TIMM10: variants seen among roughly 807,000 people sequenced by gnomAD.
The protein encoded by TIMM10 is mitochondrial import inner membrane translocase subunit Tim10.
Under a neutral mutation model 9.1 loss-of-function variants are expected in TIMM10, and 13 were observed. The observed-to-expected ratio is 1.42, with a 90% CI of 0.93 to 2.26. The LOEUF is 2.26. Among genes scored for constraint, TIMM10 ranks in the 30% most tolerant of loss-of-function variants. The pLI, the probability that TIMM10 is intolerant of heterozygous loss-of-function variation, is 0.00. For synonymous variants in TIMM10, 40 were observed against 42.1 expected (o/e 0.95, Z 0.20); for missense variants, 82 against 113.6 (o/e 0.72, Z 1.26).
At chr11:57,529,060 G>T in intron 2 of TIMM10, 142 bp from the exon 3 acceptor site, 2 of 855,958 alleles carry the variant, frequency 2.3e-6, no homozygotes, top group Non-Finnish European at 1.8e-6. Context: ...ACCACTGGAA[G>T]GTCCTTGCAA....
Position 57,528,829 on chromosome 11 carries a change from C to T in TIMM10, c.161G>A (p.Cys54Tyr), listed in dbSNP as rs1395344474. ...SKGESVCLDR[C>Y]VSKYLDIHER... is the part of the protein sequence containing the mutation. ...ATGGATGTCCAGGTACTTAGAGACACATCGGTCCAGGCACACAGACTCGCC... is the reference window on the plus strand; with the variant it reads ...ATGGATGTCCAGGTACTTAGAGACATATCGGTCCAGGCACACAGACTCGCC... Residue 54 changes from cysteine (C) to tyrosine (Y), a missense_variant, in exon 3 of 3, where the codon TGT becomes TAT. Cys to Tyr is a radical substitution (Grantham distance 194). Transcript: ENST00000257245. 2 of 1,614,072 alleles carry T rather than the reference C, an allele frequency of 1.2e-6. No homozygotes were observed. Among genetic ancestry groups the T allele is most frequent in the South Asian group, 1.1e-5 (1 of 91,068 alleles).
At chr11:57,529,678 T>C (rs987800200) in intron 2 of TIMM10, among the ~76,000 whole-genome samples, 5 of 152,222 alleles carry the variant, frequency 3.3e-5, no homozygotes, top group African/African-American at 9.6e-5. Flanking sequence ...AGGAAGTTAC[T>C]TAACCTCTAG....
At chr11:57,529,985 G>A (rs1206313598) in intron 2 of TIMM10, 134 bp downstream of exon 2, 3 of 853,236 alleles carry the variant, frequency 3.5e-6, no homozygotes, top group Admixed American at 2.1e-5. Context: ...AACCTTGAAG[G>A]TGGGTGTGGG....
chr11:57,530,091 A>C, intron 2 of TIMM10, 28 bp downstream of exon 2: 3 of 1,612,528 alleles, frequency 1.9e-6, no homozygotes, highest in Non-Finnish European at 2.5e-6. Context: ...TTATTTTCCA[A>C]GACAGGGTAG....
chr11:57,528,890 C>T lies in TIMM10; in HGVS notation c.100G>A (p.Val34Met). ...TCTGCTTCCTTGTAGTGAGGAGGCA[C>T]ACACTTCCGGTGGCAGGCACTGGTC... ...RMTSACHRKC[V>M]PPHYKEAELS... The change falls in exon 3 of 3, where the codon GTG (valine) becomes ATG (methionine). Residue 34 changes from valine to methionine, a missense_variant. Transcript: ENST00000257245. 2.5e-6 allele frequency: 4 copies of T among 1,613,550 alleles called. No homozygotes were observed. The highest frequency in any genetic ancestry group is 1.1e-5 in the South Asian group (1 of 91,048).
At chr11:57,530,531 C>A (rs544220965) in intron 1 of TIMM10, 127 bp downstream of exon 1, 1 of 288,888 alleles carries the variant, frequency 3.5e-6, no homozygotes, top group Non-Finnish European at 6.9e-6. Flanking sequence ...ACCTGAACCT[C>A]CAGGGCCCTG....
At chr11:57,529,488 G>A (rs1432390352) in intron 2 of TIMM10, among the ~76,000 whole-genome samples, 1 of 152,180 alleles carries the variant, frequency 6.6e-6, no homozygotes, top group Admixed American at 6.5e-5. Flanking sequence ...GTATCATTAT[G>A]TCTTCTTCAT....
In TIMM10 at chr11:57,528,518, C is replaced by T. The variant is rs1357012729; in HGVS notation, c.*199G>A. On this transcript the variant is annotated 3_prime_UTR_variant, in exon 3 of 3. Transcript: ENST00000257245. ...ATATATATATATATATATATATATA[C>T]ACATACATACACACACAGTCACATT... is the stretch of plus-strand genomic sequence containing the variant. 9 of 347,002 alleles carry T rather than the reference C, an allele frequency of 2.6e-5. No homozygotes were observed. Among genetic ancestry groups the T allele is most frequent in the South Asian group, 8.4e-5 (3 of 35,860 alleles). 21.5% of individuals were successfully genotyped at this position (347,002 alleles called of 1,614,324 possible).
At chr11:57,530,016 G>A in intron 2 of TIMM10, 103 bp downstream of exon 2, 1 of 1,330,160 alleles carries the variant, frequency 7.5e-7, no homozygotes. Context: ...ATGGGCCTCA[G>A]GCTCCCCTAC....
Position 57,528,884 on chromosome 11 carries a change from G to C in TIMM10, c.106C>G (p.Pro36Ala), listed in dbSNP as rs762152492. Residue 36 changes from proline (P) to alanine (A), a missense_variant, in exon 3 of 3, where the codon CCT becomes GCT. By Grantham distance (27) the Pro-to-Ala change is conservative (BLOSUM62 -1). Transcript: ENST00000257245. ...GAGAGCTCTGCTTCCTTGTAGTGAGGAGGCACACACTTCCGGTGGCAGGCA... is the reference window on the plus strand; with the variant it reads ...GAGAGCTCTGCTTCCTTGTAGTGAGCAGGCACACACTTCCGGTGGCAGGCA... Reference protein sequence around the residue: ...TSACHRKCVPPHYKEAELSKG... With the variant: ...TSACHRKCVPAHYKEAELSKG... The C allele has an allele frequency of 1.2e-6, 2 of 1,613,658 alleles. No homozygotes were observed. The highest frequency in any genetic ancestry group is 1.7e-6 in the Non-Finnish European group (2 of 1,180,010).
intron 2 of TIMM10, 67 bp from the exon 3 acceptor site, chr11:57,528,985 C>G: frequency 6.5e-7 from 1 of 1,531,790 alleles, no homozygotes; most frequent in South Asian, 1.1e-5. Flanking sequence ...CTTGACCATT[C>G]CAGCCCTGCT....
Position 57,528,686 on chromosome 11 carries a change from G to A in TIMM10, c.*31C>T. 1.9e-6 allele frequency: 3 copies of A among 1,598,012 alleles called. No individual in the cohort carries two copies. Among genetic ancestry groups the A allele is most frequent in the Non-Finnish European group, 2.6e-6 (3 of 1,166,704 alleles). ...GTTTATTAAAGTGGGAAGGGGTGGG[G>A]TACACCCCAGGGTGTATACTGACAG... On this transcript the variant is annotated 3_prime_UTR_variant, in exon 3 of 3. Transcript: ENST00000257245.
intron 2 of TIMM10, among the ~76,000 whole-genome samples, chr11:57,529,355 A>G (rs1177308440): frequency 6.6e-6 from 1 of 152,246 alleles, no homozygotes; most frequent in Non-Finnish European, 1.5e-5. Context: ...CCTTCAGGAT[A>G]AACCAACCAA....
At position 57,528,912 on chromosome 11, in the gene TIMM10, G is replaced by A. The variant is rs781503526; in HGVS notation, c.78C>T (p.Thr26=). 1 of 1,612,928 alleles carries A rather than the reference G, an allele frequency of 6.2e-7. No homozygotes were observed. Among genetic ancestry groups the A allele is most frequent in the South Asian group, 1.1e-5 (1 of 91,004 alleles). Residue 26 remains threonine, a synonymous_variant, in exon 3 of 3, where the codon ACC becomes ACT. Coordinates refer to ENST00000257245, the MANE Select transcript of TIMM10 (RefSeq NM_012456.3). ...GCACACACTTCCGGTGGCAGGCACTGGTCATTCTGGAGGGAGGGAGGGGCA... is the reference window on the plus strand; with the variant it reads ...GCACACACTTCCGGTGGCAGGCACTAGTCATTCTGGAGGGAGGGAGGGGCA... ...EMMADMYNRM[T]SACHRKCVPP...
chr11:57,528,623 C>A lies in TIMM10; in HGVS notation c.*94G>T. Reference sequence around the variant, plus strand: ...GAAGACTCTCTACAGAGAGCCTAGGCCTGGCAGTCTTCACAGATGACACCC... The same window carrying A: ...GAAGACTCTCTACAGAGAGCCTAGGACTGGCAGTCTTCACAGATGACACCC... On this transcript the variant is annotated 3_prime_UTR_variant, in exon 3 of 3. Coordinates refer to ENST00000257245, the MANE Select transcript of TIMM10 (RefSeq NM_012456.3). 1 of 1,272,446 alleles carries A rather than the reference C, an allele frequency of 7.9e-7. No individual in the cohort carries two copies. The highest frequency in any genetic ancestry group is 1.1e-6 in the Non-Finnish European group (1 of 892,400). The allele number at this position is 1,272,446 out of a possible 1,614,324, so 78.8% of individuals were successfully genotyped here.
At chr11:57,530,423 A>G (rs1040905379) in intron 1 of TIMM10, 189 bp from the exon 2 acceptor site, 1 of 519,554 alleles carries the variant, frequency 1.9e-6, no homozygotes, top group Non-Finnish European at 3.5e-6. Flanking sequence ...GTCTATGGCG[A>G]GCCTGGAAAT....
rs1009169446 is a variant in TIMM10, at chr11:57,530,023, C to G, written c.71+96G>C. 4.2e-6 allele frequency: 6 copies of G among 1,422,974 alleles called. No homozygotes were observed. The African/African-American group carries it at 8.4e-5, about 20-fold the overall frequency. The allele number at this position is 1,422,974 out of a possible 1,614,324, so 88.1% of individuals were successfully genotyped here. A position where few individuals can be genotyped will look rare whatever the true frequency, so the allele number is the denominator to read the frequency against. On this transcript the variant is annotated intron_variant, in intron 2 of 2. Transcript: ENST00000257245. ...GGGTAAGCATGGGCCTCAGGCTCCC[C>G]TACATTCAGGAAGGAATTTGTCATA...
Position 57,528,717 on chromosome 11 carries a change from T to A in TIMM10, c.273A>T (p.Ter91CysextTer17). The A allele has an allele frequency of 6.2e-7, 1 of 1,613,566 alleles. No homozygotes were observed. The highest frequency in any genetic ancestry group is 8.5e-7 in the Non-Finnish European group (1 of 1,179,974). The change falls in exon 3 of 3, where the codon TGA (stop) becomes TGT (cysteine). Residue 91 changes from the stop codon to cysteine, a stop_lost. Transcript: ENST00000257245. ...CCCAGGGTGTATACTGACAGGGACC[T>A]CATGCAGGCCCAGAGCTCTGCTGCA... ...KRVQQSSGPA[*>C]
At chr11:57,528,986 C>T in intron 2 of TIMM10, 68 bp from the exon 3 acceptor site, 1 of 1,529,252 alleles carries the variant, frequency 6.5e-7, no homozygotes, top group Non-Finnish European at 9.0e-7. Context: ...TTGACCATTC[C>T]AGCCCTGCTA....
Sources: allele counts gnomAD v4.1 joint callset (sites outside exome capture counted in the v4.1 genomes callset), GRCh38; gene constraint gnomAD v4.1.1; transcripts MANE v1.5; gene names NCBI Gene and HGNC (gene_info 2026-07-23, HGNC 2026-07-21).